PCDH19: variants seen among roughly 807,000 people sequenced by gnomAD.
PCDH19 encodes the protein protocadherin-19.
Under a neutral mutation model 46.2 loss-of-function variants are expected in PCDH19, and 6 were observed. That is an observed-to-expected ratio of 0.13 (90% confidence interval 0.07 to 0.26). The LOEUF is 0.26. Ranked by LOEUF, PCDH19 falls within the 10% of genes least tolerant of loss-of-function variation. PCDH19 has a pLI of 1.00. For synonymous variants in PCDH19, 481 were observed against 415.7 expected (o/e 1.16, Z -1.91); for missense variants, 740 against 972.3 (o/e 0.76, Z 3.18).
In PCDH19 at chrX:100,371,017, GTGT is replaced by G. The variant is rs1369156422; in HGVS notation, c.2617-20316_2617-20314del. 6.4e-5 allele frequency among the ~76,000 whole-genome samples: 7 copies of G among 110,071 alleles called. No homozygotes were observed. The South Asian group carries it at 1.9e-3, about 30-fold the overall frequency. On this transcript the variant is annotated intron_variant, in intron 3 of 5. Coordinates refer to ENST00000373034, the MANE Select transcript of PCDH19 (RefSeq NM_001184880.2). ...CATGTGTGTGTGTGTGTGTGTGTGTGTGTGTGTGGGTGTGTGTGTATGCATGTG... is the reference window on the plus strand; with the variant it reads ...CATGTGTGTGTGTGTGTGTGTGTGTGGTGTGGGTGTGTGTGTATGCATGTG...
Position 100,296,306 on chromosome X carries a change from C to A in PCDH19, c.3418G>T (p.Val1140Leu). ...AGAACGATATCCTTCAGACGCTTCA[C>A]ACCAGGGGACTCTTTGTTGCGACCT... ...KEGRNKESPG[V>L]KRLKDIVL The change falls in exon 6 of 6, where the codon GTG becomes TTG. Residue 1140 changes from valine (V) to leucine (L), a missense_variant. Transcript: ENST00000373034. The A allele has an allele frequency of 2.5e-6, 3 of 1,210,920 alleles. No homozygotes were observed. Among genetic ancestry groups the A allele is most frequent in the Non-Finnish European group, 3.4e-6 (3 of 894,558 alleles).
intron 5 of PCDH19, among the ~76,000 whole-genome samples, chrX:100,333,161 GGA>G (rs1569294610): frequency 0.017 from 955 of 56,202 alleles, 36 homozygotes; most frequent in East Asian, 0.036. Flanking sequence ...AAGGAAGGAA[GGA>G]AGGAAGGAAG....
intron 5 of PCDH19, among the ~76,000 whole-genome samples, chrX:100,316,020 T>C (rs974922040): frequency 1.8e-5 from 2 of 111,789 alleles, no homozygotes; most frequent in Non-Finnish European, 3.8e-5. Flanking sequence ...CTACCACAAC[T>C]AGTAAACAAA....
intron 3 of PCDH19, among the ~76,000 whole-genome samples, chrX:100,397,241 G>A (rs961026327): frequency 9.0e-6 from 1 of 111,625 alleles, no homozygotes; most frequent in Non-Finnish European, 1.9e-5. Flanking sequence ...CCTAACTGAT[G>A]TTTTATTTTC....
chrX:100,332,641 T>C (rs1443963390), intron 5 of PCDH19, among the ~76,000 whole-genome samples: 1 of 111,725 alleles, frequency 9.0e-6, no homozygotes, highest in Non-Finnish European at 1.9e-5. Flanking sequence ...TCTACAAATA[T>C]TTAAAATCCA....
In PCDH19 at chrX:100,402,855, T is replaced by C. The variant is rs2147533541; in HGVS notation, c.2289-4A>G. 2 of 1,193,955 alleles carry C rather than the reference T, an allele frequency of 1.7e-6. No homozygotes were observed. Among genetic ancestry groups the C allele is most frequent in the African/African-American group, 1.7e-5 (1 of 57,458 alleles). On this transcript the variant is annotated splice_polypyrimidine_tract_variant and splice_region_variant and intron_variant, in intron 2 of 5. Transcript: ENST00000373034. The stretch of plus-strand genomic sequence containing the variant: ...CCCATAGGAGTACTCAGCAATTCTA[T>C]GTGACAGAAAAGGCAGCATGAATCA...
Position 100,292,588 on chromosome X carries a change from A to G in PCDH19, c.*3689T>C, listed in dbSNP as rs1233545923. 1 of 112,035 alleles carries G rather than the reference A, an allele frequency of 8.9e-6. No individual in the cohort carries two copies. Among genetic ancestry groups the G allele is most frequent in the Admixed American group, 9.5e-5 (1 of 10,502 alleles). 9.2% of individuals were successfully genotyped at this position (112,035 alleles called of 1,213,427 possible). ...TTTGCTCTGGAATATTTCATTATCA[A>G]TATAAAGCCACCCGGTCCCAGCCCC... On this transcript the variant is annotated 3_prime_UTR_variant, in exon 6 of 6. Transcript: ENST00000373034.
intron 5 of PCDH19, among the ~76,000 whole-genome samples, chrX:100,332,371 A>C: frequency 9.0e-6 from 1 of 110,585 alleles, no homozygotes; most frequent in Non-Finnish European, 1.9e-5. Flanking sequence ...AAAGTACAAA[A>C]ATTAGCTGGG....
In PCDH19 at chrX:100,408,394, A is replaced by G; in HGVS notation, c.204T>C (p.Ala68=). The change falls in exon 1 of 6, where the codon GCT becomes GCC. Residue 68 remains alanine, a synonymous_variant. Coordinates refer to ENST00000373034, the MANE Select transcript of PCDH19 (RefSeq NM_001184880.2). The part of the protein sequence containing the change: ...ASAFRVVSNS[A]PHLVDINPSS... The stretch of plus-strand genomic sequence containing the variant: ...TGGGATTGATGTCCACTAGGTGTGG[A>G]GCCGAGTTGGACACCACGCGAAAGG... 1 of 1,208,437 alleles carries G rather than the reference A, an allele frequency of 8.3e-7. No homozygotes were observed. The highest frequency in any genetic ancestry group is 1.1e-6 in the Non-Finnish European group (1 of 894,763).
intron 3 of PCDH19, among the ~76,000 whole-genome samples, chrX:100,400,678 A>G (rs1318454298): frequency 1.8e-5 from 2 of 112,207 alleles, no homozygotes; most frequent in East Asian, 5.6e-4. Context: ...ATAAATTGAA[A>G]ATATTGGTGC....
At chrX:100,405,987 G>A (rs944835750) in intron 1 of PCDH19, among the ~76,000 whole-genome samples, 2 of 110,838 alleles carry the variant, frequency 1.8e-5, no homozygotes, top group African/African-American at 6.6e-5. Context: ...TCTCTCTCCA[G>A]AGTTCATCAC....
At chrX:100,357,699 G>A (rs920529093) in intron 3 of PCDH19, among the ~76,000 whole-genome samples, 6 of 111,475 alleles carry the variant, frequency 5.4e-5, no homozygotes, top group African/African-American at 1.6e-4. Flanking sequence ...ATCATCCCAC[G>A]TTCCTTAGCA....
In PCDH19 at chrX:100,407,908, G is replaced by A; in HGVS notation, c.690C>T (p.Asp230=). The A allele has an allele frequency of 2.5e-6, 3 of 1,212,106 alleles. No homozygotes were observed. Among genetic ancestry groups the A allele is most frequent in the Non-Finnish European group, 3.3e-6 (3 of 895,642 alleles). ...TAAACACCGGGTTGTTGTCATTGGA[G>A]TCGGTCACCTTGATACTAAGGCCAA... ...GTVGLSIKVT[D]SNDNNPVFSE... The change falls in exon 1 of 6, where the codon GAC becomes GAT. Residue 230 remains aspartate, a synonymous_variant. Coordinates refer to ENST00000373034, the MANE Select transcript of PCDH19 (RefSeq NM_001184880.2).
intron 5 of PCDH19, among the ~76,000 whole-genome samples, chrX:100,329,115 G>A (rs780463298): frequency 2.7e-5 from 3 of 111,933 alleles, no homozygotes; most frequent in Admixed American, 9.4e-5. Flanking sequence ...CCTACCCTCC[G>A]GCTAACCAGG....
Position 100,408,196 on chromosome X carries a change from G to C in PCDH19, c.402C>G (p.Ile134Met), listed in dbSNP as rs41300169. The C allele has an allele frequency of 8.3e-7, 1 of 1,211,933 alleles. No homozygotes were observed. The highest frequency in any genetic ancestry group is 1.7e-5 in the African/African-American group (1 of 57,914). The change falls in exon 1 of 6, where the codon ATC becomes ATG. Residue 134 changes from isoleucine (I) to methionine (M), a missense_variant. By Grantham distance (10) the Ile-to-Met change is conservative. This residue lies in a region of PCDH19 where 9 missense variants were observed against 35.9 expected (regional missense o/e 0.25). Transcript: ENST00000373034. ...TGGCTGCCTCCGAGATCTCCAGCTC[G>C]ATCTGTGCTGCCGGGAAACTGGGCG... ...DNAPSFPAAQ[I>M]ELEISEAASP...
intron 5 of PCDH19, among the ~76,000 whole-genome samples, chrX:100,339,078 G>A (rs1433537256): frequency 8.9e-6 from 1 of 112,076 alleles, no homozygotes; most frequent in African/African-American, 3.2e-5. Context: ...GTACGCTCTT[G>A]TTGGATACAT....
At chrX:100,301,035 A>G (rs1187550389) in intron 5 of PCDH19, among the ~76,000 whole-genome samples, 1 of 111,422 alleles carries the variant, frequency 9.0e-6, no homozygotes, top group African/African-American at 3.3e-5. Flanking sequence ...AAAAGACCAG[A>G]ATATGCTATT....
intron 5 of PCDH19, among the ~76,000 whole-genome samples, chrX:100,316,353 C>T (rs1925304879): frequency 8.9e-6 from 1 of 112,336 alleles, no homozygotes; most frequent in South Asian, 3.7e-4. Flanking sequence ...ATCCCCAGCA[C>T]ATTCAAAAGG....
intron 4 of PCDH19, among the ~76,000 whole-genome samples, chrX:100,344,729 G>A (rs1385010645): frequency 1.0e-5 from 1 of 98,567 alleles, no homozygotes; most frequent in Non-Finnish European, 2.0e-5. Context: ...TAATTAACCA[G>A]CCCTTGGAGC....
Sources: gnomAD v4.1 joint callset for allele counts (sites outside exome capture counted in the v4.1 genomes callset) on GRCh38, gnomAD v4.1.1 for gene constraint, gnomAD v4.1.1 regional missense constraint, MANE v1.5 for transcripts, NCBI Gene and HGNC (gene_info 2026-07-23, HGNC 2026-07-21) for gene names.